Variants in KALRN observed in about 807,000 individuals in gnomAD.
KALRN encodes kalirin RhoGEF kinase, also known as kalirin.
In KALRN, 70 loss-of-function variants were observed where a neutral mutation model predicts 353.7. The observed-to-expected ratio is 0.20, with a 90% CI of 0.16 to 0.24. The LOEUF (loss-of-function observed/expected upper bound fraction) is 0.24, where lower values mean the gene tolerates loss of function less well. KALRN is among the 10% of genes least tolerant of loss of function. KALRN has a pLI of 1.00. For synonymous variants in KALRN, 1,391 were observed against 1,434.8 expected, an observed-to-expected ratio of 0.97 and a Z score of 0.69; for missense variants, 2,791 against 3,756.7, an observed-to-expected ratio of 0.74 and a Z score of 6.72.
intron 28 of KALRN, among the ~76,000 whole-genome samples, chr3:124,486,648 C>G (rs1362332603): frequency 2.6e-5 from 4 of 152,150 alleles, no homozygotes; most frequent in African/African-American, 9.7e-5. Flanking sequence ...CTAAAAATTT[C>G]AAGGATACAA....
chr3:124,308,024 CA>C (rs1157559841), intron 6 of KALRN, among the ~76,000 whole-genome samples: 4 of 151,908 alleles, frequency 2.6e-5, no homozygotes, highest in Non-Finnish European at 4.4e-5. Context: ...ATATTAATAA[CA>C]GATTCTTAAG....
chr3:124,270,824 G>GTTTTTTTTTTTTTTTTT (rs777615656), intron 5 of KALRN, among the ~76,000 whole-genome samples: 21 of 78,644 alleles, frequency 2.7e-4, no homozygotes, highest in African/African-American at 7.7e-4. Flanking sequence ...TTTTTGTTTT[G>GTTTTTTTTTTTTTTTTT]TTTTTTTTTT....
chr3:124,657,687 G>A, intron 40 of KALRN, 47 bp from the exon 41 acceptor site: 2 of 1,459,492 alleles, frequency 1.4e-6, no homozygotes, highest in Non-Finnish European at 1.9e-6. Context: ...AAATAATACA[G>A]TTCTGAATAA....
intron 6 of KALRN, among the ~76,000 whole-genome samples, chr3:124,319,519 GGAGA>G (rs1249445786): frequency 6.7e-6 from 1 of 149,454 alleles, no homozygotes; most frequent in African/African-American, 2.4e-5. Flanking sequence ...CAGTGGGGAG[GGAGA>G]GTCTCCTCTG....
At position 124,260,268 on chromosome 3, in the gene KALRN, C is replaced by A. The variant is rs114383770; in HGVS notation, c.264-4230C>A. On this transcript the variant is annotated intron_variant, in intron 3 of 59. Coordinates refer to ENST00000682506, the MANE Select transcript of KALRN (RefSeq NM_001388419.1). Reference sequence around the variant, plus strand: ...CTTGACAAATATATCTTCACAGCAACCTAGGAGGCCAAATTTAAATTTAGA... The same window carrying A: ...CTTGACAAATATATCTTCACAGCAAACTAGGAGGCCAAATTTAAATTTAGA... Among the ~76,000 whole-genome samples the A allele has an allele frequency of 4.5e-3, 688 of 152,286 alleles. 3 individuals carry two copies. The highest frequency in any genetic ancestry group is 0.016 in the African/African-American group (668 of 41,554).
At chr3:124,291,700 G>A (rs1389519011) in intron 5 of KALRN, among the ~76,000 whole-genome samples, 1 of 152,176 alleles carries the variant, frequency 6.6e-6, no homozygotes, top group Admixed American at 6.5e-5. Context: ...CCTGGTCAGT[G>A]AGATGTTTGG....
Position 124,674,395 on chromosome 3 carries a change from C to T in KALRN, c.6974C>T (p.Ser2325Phe). Residue 2325 changes from serine (S) to phenylalanine (F), a missense_variant, in exon 49 of 60, where the codon TCC becomes TTC. Transcript: ENST00000682506. ...CTGGGAGGCTGCAATGGGACCTCGT[C>T]CATGGCCGTGATCAAAGATTACTAT... Reference protein sequence around the residue: ...NDLGGCNGTSSMAVIKDYYAL... With the variant: ...NDLGGCNGTSFMAVIKDYYAL... 1.2e-6 allele frequency: 2 copies of T among 1,613,720 alleles called. No homozygotes were observed. The highest frequency in any genetic ancestry group is 8.5e-7 in the Non-Finnish European group (1 of 1,179,878).
In KALRN at chr3:124,298,874, C is replaced by A. The variant is rs1396411645; in HGVS notation, c.1053C>A (p.Asp351Glu). The stretch of plus-strand genomic sequence containing the variant: ...GAGTCAGCTACCAGTACGCCCTTGA[C>A]CTCCAGACGCAGCACAATCACTTTG... ...EIGVSYQYAL[D>E]LQTQHNHFAM... Residue 351 changes from aspartate (D) to glutamate (E), a missense_variant, in exon 6 of 60, where the codon GAC (aspartate) becomes GAA (glutamate). By Grantham distance (45) the Asp-to-Glu change is conservative. Around this residue, in one of 11 missense-constraint regions of KALRN, gnomAD observed 366 missense variants for 489.2 expected, o/e 0.75. Coordinates refer to ENST00000682506, the MANE Select transcript of KALRN (RefSeq NM_001388419.1). 6.2e-7 allele frequency: 1 copy of A among 1,614,188 alleles called. No individual in the cohort carries two copies.
At chr3:124,576,935 A>G (rs2074162031) in intron 34 of KALRN, among the ~76,000 whole-genome samples, 1 of 152,190 alleles carries the variant, frequency 6.6e-6, no homozygotes, top group African/African-American at 2.4e-5. Context: ...TTGGAAGTAG[A>G]TAAAACCTGG....
rs577147885 is a variant in KALRN at position 124,408,453 on chromosome 3, G to A, written c.2347-5017G>A. Among the ~76,000 whole-genome samples, 21 of 152,306 alleles carry A rather than the reference G, an allele frequency of 1.4e-4. No homozygotes were observed. The South Asian group carries it at 4.1e-3, about 30-fold the overall frequency. ...TCAGCTCTACCACCACCAGCTCTGA[G>A]ACCATGGGAGAAACTATATGACTTC... is the stretch of plus-strand genomic sequence containing the variant. On this transcript the variant is annotated intron_variant, in intron 13 of 59. Transcript: ENST00000682506.
chr3:124,718,921 G>A lies in KALRN; in HGVS notation c.8416-4G>A. On this transcript the variant is annotated splice_region_variant and splice_polypyrimidine_tract_variant and intron_variant, in intron 59 of 59. Transcript: ENST00000682506. Reference sequence around the variant, plus strand: ...TTTCTCCCTGCTTCCTTGGATCTCTGCAGCCTGAAAACCTGCTCATTGACC... The same window carrying A: ...TTTCTCCCTGCTTCCTTGGATCTCTACAGCCTGAAAACCTGCTCATTGACC... The A allele has an allele frequency of 6.2e-7, 1 of 1,613,022 alleles. No individual in the cohort carries two copies.
At chr3:124,701,198 G>A (rs1004711773) in intron 56 of KALRN, among the ~76,000 whole-genome samples, 2 of 152,182 alleles carry the variant, frequency 1.3e-5, no homozygotes, top group African/African-American at 4.8e-5. Context: ...TGCTCTGTGT[G>A]CGTGTGTGTG....
Position 124,490,838 on chromosome 3 carries a change from A to G in KALRN, c.4541A>G (p.Lys1514Arg), listed in dbSNP as rs752730760. Residue 1514 changes from lysine to arginine, a missense_variant, in exon 30 of 60, where the codon AAA becomes AGA. By Grantham distance (26) the Lys-to-Arg change is conservative. Around this residue, in one of 11 missense-constraint regions of KALRN, gnomAD observed 239 missense variants for 351.3 expected, o/e 0.68. Coordinates refer to ENST00000682506, the MANE Select transcript of KALRN (RefSeq NM_001388419.1). ...EISLVFSKEI[K>R]DSSGHTKYVY... The stretch of plus-strand genomic sequence containing the variant: ...TCCTTGGTTTTTAGCAAGGAGATCA[A>G]AGATTCTTCAGGACACACGAAATAT... 1.2e-6 allele frequency: 2 copies of G among 1,613,958 alleles called. No individual in the cohort carries two copies. The highest frequency in any genetic ancestry group is 2.2e-5 in the South Asian group (2 of 91,060).
At chr3:124,546,484 G>GAGAA (rs140255191) in intron 33 of KALRN, among the ~76,000 whole-genome samples, 81 of 152,016 alleles carry the variant, frequency 5.3e-4, no homozygotes, top group African/African-American at 1.9e-3. Context: ...GTGAGAGAGA[G>GAGAA]AGAAAGAAAG....
intron 1 of KALRN, chr3:124,152,823 G>A (rs2068360140): frequency 4.0e-6 from 1 of 250,764 alleles, no homozygotes; most frequent in Non-Finnish European, 7.5e-6. Context: ...CACCATCTTG[G>A]CCAAGCTTGT....
At chr3:124,666,380 G>A (rs2085622560) in intron 45 of KALRN, 69 bp from the exon 46 acceptor site, 3 of 1,459,124 alleles carry the variant, frequency 2.1e-6, no homozygotes, top group African/African-American at 2.8e-5. Flanking sequence ...GGGAGGTTCT[G>A]TGGACCCAGA....
chr3:124,352,074 C>T lies in KALRN; in HGVS notation c.1770+4809C>T, dbSNP rs142197105. Among the ~76,000 whole-genome samples, 178 of 152,308 alleles carry T rather than the reference C, an allele frequency of 1.2e-3. 1 individual carries two copies. The highest frequency in any genetic ancestry group is 4.2e-3 in the African/African-American group (173 of 41,576). ...CTCAAATAGAAGTCCCGGGCACTGG[C>T]GGGAACCTCTCCTGGTCCTTAGTCA... On this transcript the variant is annotated intron_variant, in intron 10 of 59. Coordinates refer to ENST00000682506, the MANE Select transcript of KALRN (RefSeq NM_001388419.1).
chr3:124,621,935 A>C (rs1372969728), intron 34 of KALRN, among the ~76,000 whole-genome samples: 1 of 152,164 alleles, frequency 6.6e-6, no homozygotes, highest in African/African-American at 2.4e-5. Context: ...TACCCAGGAA[A>C]TTTTCACCTT....
chr3:124,311,498 T>C (rs1466500018), intron 6 of KALRN, among the ~76,000 whole-genome samples: 1 of 151,486 alleles, frequency 6.6e-6, no homozygotes, highest in Non-Finnish European at 1.5e-5. Flanking sequence ...TAATAACAAA[T>C]GTTAGCAAGG....
Sources: gnomAD v4.1 joint callset for allele counts (sites outside exome capture counted in the v4.1 genomes callset) on GRCh38, gnomAD v4.1.1 for gene constraint, gnomAD v4.1.1 regional missense constraint, MANE v1.5 for transcripts, NCBI Gene and HGNC (gene_info 2026-07-23, HGNC 2026-07-21) for gene names.